MTMR8: variants seen among roughly 807,000 people sequenced by gnomAD.
MTMR8 encodes phosphatidylinositol-3,5-bisphosphate 3-phosphatase MTMR8.
MTMR8 carries 65 observed loss-of-function variants against 39.3 expected under a neutral mutation model. That is an observed-to-expected ratio of 1.65 (90% CI 1.35 to 2.03). The LOEUF (loss-of-function observed/expected upper bound fraction) is 2.03. MTMR8 is among the 30% of genes most tolerant of loss of function. MTMR8 has a pLI of 0.00. For synonymous variants in MTMR8, 245 were observed against 185.2 expected, an observed-to-expected ratio of 1.32 and a Z score of -2.62; for missense variants, 777 against 538.9, an observed-to-expected ratio of 1.44 and a Z score of -4.37.
At chrX:64,388,764 A>G (rs1924624302) in intron 1 of MTMR8, among the ~76,000 whole-genome samples, 1 of 112,556 alleles carries the variant, frequency 8.9e-6, no homozygotes, top group Admixed American at 9.4e-5. Flanking sequence ...GCATAGGGGA[A>G]CACTGGGTGA....
chrX:64,324,242 G>T (rs986008701), intron 12 of MTMR8, among the ~76,000 whole-genome samples: 2 of 111,073 alleles, frequency 1.8e-5, no homozygotes, highest in African/African-American at 6.6e-5. Context: ...TGTACCAGTA[G>T]TCCTAGCCAC....
chrX:64,301,639 G>A (rs1921880138), intron 12 of MTMR8, among the ~76,000 whole-genome samples: 1 of 111,988 alleles, frequency 8.9e-6, no homozygotes. Flanking sequence ...TTCCTTTGGA[G>A]GAGGAGAGGT....
intron 8 of MTMR8, among the ~76,000 whole-genome samples, chrX:64,341,479 C>CAAAAAAA (rs758580930): frequency 7.8e-5 from 2 of 25,543 alleles, no homozygotes; most frequent in Non-Finnish European, 1.5e-4. Context: ...AACTCTGTCT[C>CAAAAAAA]AAAAAAAAAA....
chrX:64,333,480 G>T (rs946467332), intron 10 of MTMR8, among the ~76,000 whole-genome samples: 1 of 111,506 alleles, frequency 9.0e-6, no homozygotes, highest in Non-Finnish European at 1.9e-5. Context: ...CTAATCTTTC[G>T]TTTGGACTGG....
At position 64,269,026 on chromosome X, in the gene MTMR8, A is replaced by C. The variant is rs1198498719; in HGVS notation, c.1626T>G (p.Asp542Glu). 1 of 1,209,001 alleles carries C rather than the reference A, an allele frequency of 8.3e-7. No homozygotes were observed. Among genetic ancestry groups the C allele is most frequent in the African/African-American group, 1.7e-5 (1 of 57,782 alleles). Residue 542 changes from aspartate to glutamate, a missense_variant, in exon 14 of 14, where the codon GAT becomes GAG. Transcript: ENST00000374852. ...AGGTACAGATCTCTTCTGGTGGCTC[A>C]TCACGGACTTTTAGTTTCTGCCTCA... ...HELEKKLKVR[D>E]EPPEEICTCS...
At chrX:64,314,328 C>T (rs1030581122) in intron 12 of MTMR8, among the ~76,000 whole-genome samples, 1 of 112,646 alleles carries the variant, frequency 8.9e-6, no homozygotes, top group Non-Finnish European at 1.9e-5. Context: ...CTAGGAGGTG[C>T]CAGCATGCCT....
At chrX:64,274,999 T>C (rs899187242) in intron 12 of MTMR8, among the ~76,000 whole-genome samples, 2 of 111,428 alleles carry the variant, frequency 1.8e-5, no homozygotes, top group African/African-American at 3.3e-5. Flanking sequence ...ATGGTGACCA[T>C]GGTTGACAAT....
rs141192511 is a variant in MTMR8 at position 64,327,450 on chromosome X, C to T, written c.1481+1322G>A. On this transcript the variant is annotated intron_variant, in intron 12 of 13. Coordinates refer to ENST00000374852, the MANE Select transcript of MTMR8 (RefSeq NM_017677.4). ...AAAAATGCAACATCACCAATCATCA[C>T]GAAAATGCAAATCAAAACCACAATG... is the stretch of plus-strand genomic sequence containing the variant. Among the ~76,000 whole-genome samples the T allele has an allele frequency of 3.9e-3, 440 of 111,685 alleles. 3 individuals carry two copies. The highest frequency in any genetic ancestry group is 0.013 in the African/African-American group (393 of 30,856).
chrX:64,302,074 T>A (rs1055819386), intron 12 of MTMR8, among the ~76,000 whole-genome samples: 1 of 112,888 alleles, frequency 8.9e-6, no homozygotes, highest in Non-Finnish European at 1.9e-5. Context: ...CAGGCCTCCT[T>A]GAGCTGTGGT....
At chrX:64,336,626 G>C (rs1433666358) in intron 9 of MTMR8, among the ~76,000 whole-genome samples, 1 of 110,342 alleles carries the variant, frequency 9.1e-6, no homozygotes, top group Admixed American at 9.7e-5. Context: ...GGTAAACCCA[G>C]TCACTACTAA....
At position 64,343,606 on chromosome X, in the gene MTMR8, A is replaced by T; in HGVS notation, c.975+5T>A. The stretch of plus-strand genomic sequence containing the variant: ...AGTGCAAATTTTAAAAGTCCTGATT[A>T]TTACCTTTGTAATGAAAATTCCAGC... On this transcript the variant is annotated splice_donor_5th_base_variant and intron_variant, in intron 8 of 13. Transcript: ENST00000374852. 8.7e-7 allele frequency: 1 copy of T among 1,151,684 alleles called. No individual in the cohort carries two copies. The highest frequency in any genetic ancestry group is 1.2e-6 in the Non-Finnish European group (1 of 843,160). The allele number at this position is 1,151,684 out of a possible 1,213,427, so 94.9% of individuals were successfully genotyped here.
At chrX:64,383,059 T>C (rs1924472666) in intron 1 of MTMR8, among the ~76,000 whole-genome samples, 1 of 111,476 alleles carries the variant, frequency 9.0e-6, no homozygotes, top group African/African-American at 3.3e-5. Flanking sequence ...ATAGAGAAGT[T>C]ACTATACACC....
At chrX:64,377,826 A>G (rs770160955) in intron 1 of MTMR8, among the ~76,000 whole-genome samples, 1 of 112,136 alleles carries the variant, frequency 8.9e-6, no homozygotes, top group South Asian at 3.7e-4. Flanking sequence ...CTATGTCCCC[A>G]CCCAAATATC....
At position 64,268,259 on chromosome X, in the gene MTMR8, C is replaced by T. The variant is rs766091890; in HGVS notation, c.*278G>A. 2 of 319,552 alleles carry T rather than the reference C, an allele frequency of 6.3e-6. No homozygotes were observed. The highest frequency in any genetic ancestry group is 5.0e-5 in the East Asian group (1 of 20,002). 26.3% of individuals were successfully genotyped at this position (319,552 alleles called of 1,213,427 possible). On this transcript the variant is annotated 3_prime_UTR_variant, in exon 14 of 14. Coordinates refer to ENST00000374852, the MANE Select transcript of MTMR8 (RefSeq NM_017677.4). ...CATTAAGGAAAACAGACAGTAGAAC[C>T]AGCTTAATATGTGTCTCAGCTGAGA...
chrX:64,325,661 G>C (rs946585474), intron 12 of MTMR8, among the ~76,000 whole-genome samples: 1 of 112,205 alleles, frequency 8.9e-6, no homozygotes, highest in Non-Finnish European at 1.9e-5. Context: ...AGCCACATAT[G>C]ACAAACCCAC....
chrX:64,314,367 C>T (rs1005511973), intron 12 of MTMR8, among the ~76,000 whole-genome samples: 9 of 112,523 alleles, frequency 8.0e-5, no homozygotes, highest in Non-Finnish European at 1.3e-4. Flanking sequence ...ACAGTAGTGG[C>T]GGTGGAGGCT....
In MTMR8 at chrX:64,281,127, G is replaced by A. The variant is rs1223237696; in HGVS notation, c.1482-10054C>T. ...TCACGAAAATGGCCATACTGCCCAA[G>A]GTAATTTAGAGATTCAATGCTCTTC... On this transcript the variant is annotated intron_variant, in intron 12 of 13. Transcript: ENST00000374852. Among the ~76,000 whole-genome samples the A allele has an allele frequency of 4.5e-5, 5 of 111,378 alleles. No homozygotes were observed. The East Asian group carries it at 1.1e-3, about 25-fold the overall frequency.
chrX:64,287,564 T>A (rs1921232664), intron 12 of MTMR8, among the ~76,000 whole-genome samples: 2 of 111,074 alleles, frequency 1.8e-5, no homozygotes, highest in Admixed American at 9.6e-5. Context: ...GACTTCAAAC[T>A]GTACTACAAG....
At chrX:64,326,983 C>T in intron 12 of MTMR8, among the ~76,000 whole-genome samples, 1 of 110,729 alleles carries the variant, frequency 9.0e-6, no homozygotes, top group South Asian at 3.8e-4. Flanking sequence ...TGCCCATATG[C>T]AGAAGAATGG....
Sources: gnomAD v4.1 joint callset for allele counts (sites outside exome capture counted in the v4.1 genomes callset) on GRCh38, gnomAD v4.1.1 for gene constraint, MANE v1.5 for transcripts, NCBI Gene and HGNC (gene_info 2026-07-23, HGNC 2026-07-21) for gene names.